MYO5B: variants seen among roughly 807,000 people sequenced by gnomAD.
MYO5B encodes the protein myosin VB.
In MYO5B, 143 loss-of-function variants were observed where a neutral mutation model predicts 229.3. That is an observed-to-expected ratio of 0.62 (90% CI 0.54 to 0.72). The LOEUF is 0.72. Ranked by LOEUF, MYO5B falls within the 30% of genes least tolerant of loss-of-function variation. MYO5B has a pLI of 0.00. For synonymous variants in MYO5B, 918 were observed against 885.2 expected, an observed-to-expected ratio of 1.04 and a Z score of -0.66; for missense variants, 2,321 against 2,331.0, an observed-to-expected ratio of 1.00 and a Z score of 0.09.
intron 4 of MYO5B, among the ~76,000 whole-genome samples, chr18:50,021,176 G>A (rs894842843): frequency 6.6e-6 from 1 of 152,172 alleles, no homozygotes; most frequent in Non-Finnish European, 1.5e-5. Flanking sequence ...CAAACAGGTC[G>A]GCTCACACAG....
intron 28 of MYO5B, among the ~76,000 whole-genome samples, chr18:49,863,797 A>AT (rs1474336498): frequency 6.6e-6 from 1 of 152,210 alleles, no homozygotes; most frequent in Non-Finnish European, 1.5e-5. Flanking sequence ...AATACAGTGA[A>AT]TAGGACTTGC....
rs545888059 is a variant in MYO5B at position 50,117,275 on chromosome 18, T to TA, written c.28-61898dup. ...AGAGAGGAAACTTCAAATTCTCATT[T>TA]AAAAAAAAAAATAGCATGCTCATGA... On this transcript the variant is annotated intron_variant, in intron 1 of 39. Coordinates refer to ENST00000285039, the MANE Select transcript of MYO5B (RefSeq NM_001080467.3). Among the ~76,000 whole-genome samples the TA allele has an allele frequency of 8.8e-4, 131 of 148,054 alleles. 1 individual carries two copies. Among genetic ancestry groups the TA allele is most frequent in the South Asian group, 7.9e-3 (37 of 4,682 alleles).
chr18:49,859,158 T>C (rs531746124), intron 29 of MYO5B, among the ~76,000 whole-genome samples: 1 of 152,194 alleles, frequency 6.6e-6, no homozygotes, highest in Non-Finnish European at 1.5e-5. Context: ...CCACCTGTAA[T>C]GAGCCCGTGG....
intron 1 of MYO5B, among the ~76,000 whole-genome samples, chr18:50,112,862 G>A (rs1374178324): frequency 1.3e-5 from 2 of 152,088 alleles, no homozygotes; most frequent in African/African-American, 2.4e-5. Context: ...ACACAGCAAC[G>A]TATTTTAAAA....
At chr18:50,190,195 G>A (rs1410972773) in intron 1 of MYO5B, among the ~76,000 whole-genome samples, 2 of 152,210 alleles carry the variant, frequency 1.3e-5, no homozygotes, top group African/African-American at 4.8e-5. Context: ...CTATAGATAA[G>A]AGTTGTATTA....
intron 1 of MYO5B, among the ~76,000 whole-genome samples, chr18:50,130,232 T>C (rs1239558784): frequency 6.6e-6 from 1 of 152,240 alleles, no homozygotes; most frequent in East Asian, 1.9e-4. Flanking sequence ...CATATTTTTT[T>C]AAGCCTCTTG....
intron 10 of MYO5B, 137 bp downstream of exon 10, chr18:49,974,213 A>G (rs780804366): frequency 4.7e-6 from 6 of 1,284,454 alleles, no homozygotes; most frequent in Non-Finnish European, 6.7e-6. Context: ...CTAATCAACT[A>G]AAAATGGCCC....
chr18:50,088,363 C>T (rs1393612385), intron 1 of MYO5B, among the ~76,000 whole-genome samples: 3 of 152,176 alleles, frequency 2.0e-5, no homozygotes, highest in Non-Finnish European at 4.4e-5. Flanking sequence ...ACACCTACCA[C>T]ACACAGGAAA....
chr18:49,841,712 A>T (rs367547029), intron 34 of MYO5B, among the ~76,000 whole-genome samples: 8 of 152,292 alleles, frequency 5.3e-5, no homozygotes, highest in African/African-American at 1.9e-4. Flanking sequence ...GACACACATA[A>T]AGGACAGGCT....
intron 5 of MYO5B, among the ~76,000 whole-genome samples, chr18:49,994,030 TC>T (rs1466453428): frequency 6.6e-6 from 1 of 152,086 alleles, no homozygotes; most frequent in Non-Finnish European, 1.5e-5. Flanking sequence ...CACCCAAGCT[TC>T]CCATAGGCAG....
At chr18:50,164,401 G>A (rs1477704000) in intron 1 of MYO5B, among the ~76,000 whole-genome samples, 3 of 152,114 alleles carry the variant, frequency 2.0e-5, no homozygotes, top group Non-Finnish European at 4.4e-5. Flanking sequence ...CCATGAGATA[G>A]AGTCTACTGA....
chr18:49,975,164 C>T (rs1371236741), intron 9 of MYO5B, among the ~76,000 whole-genome samples: 1 of 152,246 alleles, frequency 6.6e-6, no homozygotes, highest in Non-Finnish European at 1.5e-5. Flanking sequence ...TCCTCCCTTA[C>T]AGGCATTGCC....
intron 14 of MYO5B, among the ~76,000 whole-genome samples, chr18:49,951,092 G>T (rs543815476): frequency 6.6e-6 from 1 of 152,268 alleles, no homozygotes; most frequent in East Asian, 1.9e-4. Context: ...TCCCTGGTAG[G>T]CATGTCAAAA....
intron 1 of MYO5B, among the ~76,000 whole-genome samples, chr18:50,062,176 A>G (rs75523760): frequency 6.6e-6 from 1 of 151,604 alleles, no homozygotes; most frequent in Admixed American, 6.6e-5. Context: ...AAAAAAAAAA[A>G]TGTACAAATG....
intron 16 of MYO5B, among the ~76,000 whole-genome samples, chr18:49,930,753 G>T (rs998573588): frequency 6.6e-6 from 1 of 152,016 alleles, no homozygotes; most frequent in Non-Finnish European, 1.5e-5. Flanking sequence ...TTAGCTGGGC[G>T]TGGTGGTGGG....
chr18:49,990,584 T>C (rs1220978091), intron 6 of MYO5B, 64 bp from the exon 7 acceptor site: 21 of 1,396,866 alleles, frequency 1.5e-5, no homozygotes, highest in Non-Finnish European at 9.1e-6. Flanking sequence ...CCTCTGCCAC[T>C]GTAATCCCAG....
At chr18:50,084,701 G>T (rs977551608) in intron 1 of MYO5B, among the ~76,000 whole-genome samples, 1 of 152,138 alleles carries the variant, frequency 6.6e-6, no homozygotes, top group African/African-American at 2.4e-5. Flanking sequence ...GCATGGTACT[G>T]GTACCAAAAC....
chr18:49,952,991 C>T (rs1215715726), intron 14 of MYO5B, among the ~76,000 whole-genome samples: 1 of 152,058 alleles, frequency 6.6e-6, no homozygotes, highest in Non-Finnish European at 1.5e-5. Flanking sequence ...CATTAGCAGG[C>T]ATCTTTCCCA....
At position 50,079,178 on chromosome 18, in the gene MYO5B, T is replaced by A. The variant is rs181153715; in HGVS notation, c.28-23800A>T. On this transcript the variant is annotated intron_variant, in intron 1 of 39. Transcript: ENST00000285039. Reference sequence around the variant, plus strand: ...GGTGGGTTCAGTATGTGACAATACATTAAGTTAGATATACACTTATGTGTT... The same window carrying A: ...GGTGGGTTCAGTATGTGACAATACAATAAGTTAGATATACACTTATGTGTT... Among the ~76,000 whole-genome samples, 12 of 152,336 alleles carry A rather than the reference T, an allele frequency of 7.9e-5. No individual in the cohort carries two copies. The East Asian group carries it at 2.3e-3, about 29-fold the overall frequency.
Sources: allele counts gnomAD v4.1 joint callset (sites outside exome capture counted in the v4.1 genomes callset), GRCh38; gene constraint gnomAD v4.1.1; transcripts MANE v1.5; gene names NCBI Gene and HGNC (gene_info 2026-07-23, HGNC 2026-07-21).